Variants in TMEM132B observed in about 807,000 individuals in gnomAD.
TMEM132B encodes transmembrane protein 132B.
Under a neutral mutation model 90.8 loss-of-function variants are expected in TMEM132B, and 18 were observed. The ratio of observed to expected loss-of-function variants is 0.20; its 90% confidence interval spans 0.14 to 0.29. The LOEUF (loss-of-function observed/expected upper bound fraction) is 0.29. TMEM132B is among the 10% of genes least tolerant of loss of function. TMEM132B has a pLI of 1.00. For synonymous variants in TMEM132B, 504 were observed against 523.3 expected, an observed-to-expected ratio of 0.96 and a Z score of 0.50; for missense variants, 1,096 against 1,326.8, an observed-to-expected ratio of 0.83 and a Z score of 2.70.
At chr12:125,302,739 C>A (rs916012790) in intron 1 of TMEM132B, among the ~76,000 whole-genome samples, 1 of 152,112 alleles carries the variant, frequency 6.6e-6, no homozygotes, top group African/African-American at 2.4e-5. Flanking sequence ...TTGCATTCAC[C>A]ATGAAATGCA....
At chr12:125,542,887 C>T (rs1171666328) in intron 4 of TMEM132B, among the ~76,000 whole-genome samples, 1 of 152,174 alleles carries the variant, frequency 6.6e-6, no homozygotes, top group East Asian at 1.9e-4. Flanking sequence ...TCTTATTATA[C>T]AGGGTGCTAG....
intron 1 of TMEM132B, among the ~76,000 whole-genome samples, chr12:125,201,350 T>C (rs1288865064): frequency 6.6e-6 from 1 of 152,270 alleles, no homozygotes; most frequent in Non-Finnish European, 1.5e-5. Context: ...GAGCACAGTA[T>C]GAGGGAGAAA....
chr12:125,599,073 A>G (rs1158339450), intron 5 of TMEM132B, among the ~76,000 whole-genome samples: 2 of 152,138 alleles, frequency 1.3e-5, no homozygotes, highest in Non-Finnish European at 2.9e-5. Flanking sequence ...TCCCCACCCA[A>G]ATCTCATCTT....
At chr12:125,454,143 G>A (rs760961771) in intron 3 of TMEM132B, among the ~76,000 whole-genome samples, 3 of 152,092 alleles carry the variant, frequency 2.0e-5, no homozygotes, top group Admixed American at 6.6e-5. Flanking sequence ...TGAATGCCAC[G>A]TTTCTGTTTT....
At chr12:125,351,341 G>A (rs557300340) in intron 2 of TMEM132B, among the ~76,000 whole-genome samples, 2 of 152,308 alleles carry the variant, frequency 1.3e-5, no homozygotes, top group East Asian at 3.9e-4. Context: ...TCATGTTGAA[G>A]CTTGAGTAGT....
At position 125,389,055 on chromosome 12, in the gene TMEM132B, CAA is replaced by C. The variant is rs59279161; in HGVS notation, c.960-26474_960-26473del. Among the ~76,000 whole-genome samples, 51 of 143,688 alleles carry C rather than the reference CAA, an allele frequency of 3.5e-4. 1 individual carries two copies. The highest frequency in any genetic ancestry group is 1.6e-3 in the South Asian group (7 of 4,418). 94.3% of individuals were successfully genotyped at this position (143,688 alleles called of 152,430 possible). ...ACACACACACACACACACACACACA[CAA>C]ACACACAAGATTGATAAATCTAGTT... On this transcript the variant is annotated intron_variant, in intron 2 of 8. Transcript: ENST00000682704.
intron 1 of TMEM132B, among the ~76,000 whole-genome samples, chr12:125,188,657 T>TTTGCCTGCTCC (rs2136045069): frequency 6.6e-6 from 1 of 151,350 alleles, no homozygotes; most frequent in East Asian, 2.0e-4. Context: ...TGGCCGGCTC[T>TTTGCCTGCTCC]TTGCCTGCTC....
intron 2 of TMEM132B, among the ~76,000 whole-genome samples, chr12:125,399,815 G>T (rs1210563671): frequency 6.6e-6 from 1 of 152,192 alleles, no homozygotes; most frequent in African/African-American, 2.4e-5. Flanking sequence ...TATGAAGCTG[G>T]AGTCTGGGAA....
intron 1 of TMEM132B, among the ~76,000 whole-genome samples, chr12:125,233,555 C>T (rs1477864920): frequency 2.0e-5 from 3 of 152,200 alleles, no homozygotes; most frequent in African/African-American, 4.8e-5. Context: ...TCAATGGCCA[C>T]GCTTAGCTGC....
chr12:125,630,289 CTT>C (rs1242807707), intron 5 of TMEM132B, among the ~76,000 whole-genome samples: 3 of 151,952 alleles, frequency 2.0e-5, no homozygotes, highest in Non-Finnish European at 4.4e-5. Flanking sequence ...TATTGGGAGA[CTT>C]TTTGTTATGG....
chr12:125,610,239 C>T (rs1885793905), intron 5 of TMEM132B, among the ~76,000 whole-genome samples: 1 of 151,840 alleles, frequency 6.6e-6, no homozygotes, highest in South Asian at 2.1e-4. Context: ...ATTTTCTTCC[C>T]TAATTTTCTT....
intron 5 of TMEM132B, among the ~76,000 whole-genome samples, chr12:125,591,497 A>G (rs1404491690): frequency 1.3e-5 from 2 of 152,214 alleles, no homozygotes; most frequent in African/African-American, 2.4e-5. Context: ...TTTGGGGGCC[A>G]CAAGATAATC....
intron 1 of TMEM132B, among the ~76,000 whole-genome samples, chr12:125,318,863 A>C (rs1876352301): frequency 6.6e-6 from 1 of 152,228 alleles, no homozygotes; most frequent in South Asian, 2.1e-4. Flanking sequence ...CCTCTTGTAA[A>C]AATATTACAT....
intron 3 of TMEM132B, among the ~76,000 whole-genome samples, chr12:125,446,139 TATAGTTA>T (rs1881001164): frequency 6.6e-6 from 1 of 152,204 alleles, no homozygotes; most frequent in East Asian, 1.9e-4. Flanking sequence ...TCTTCCCCAT[TATAGTTA>T]ATAGTTATTT....
At chr12:125,471,553 C>T (rs10846898) in intron 3 of TMEM132B, among the ~76,000 whole-genome samples, 5,325 of 152,260 alleles carry the variant, frequency 0.035, 164 homozygotes, top group Admixed American at 0.1. Context: ...GACATCCTGT[C>T]CCCAGTGGAC....
chr12:125,517,665 G>T (rs1883202130), intron 3 of TMEM132B, among the ~76,000 whole-genome samples: 1 of 152,142 alleles, frequency 6.6e-6, no homozygotes, highest in African/African-American at 2.4e-5. Flanking sequence ...GATCATCACA[G>T]TATGAATTCA....
Position 125,654,345 on chromosome 12 carries a change from C to G in TMEM132B, c.2887C>G (p.Pro963Ala), listed in dbSNP as rs759113420. The G allele has an allele frequency of 8.1e-6, 13 of 1,612,844 alleles. No individual in the cohort carries two copies. The highest frequency in any genetic ancestry group is 1.1e-5 in the Non-Finnish European group (13 of 1,180,028). ...LGNEVELLEN[P>A]VDITLPSEEC... ...GAATGAAGTGGAACTTTTGGAGAAC[C>G]CTGTTGACATTACACTCCCATCAGA... The change falls in exon 9 of 9, where the codon CCT becomes GCT. Residue 963 changes from proline (P) to alanine (A), a missense_variant. Physicochemically the swap from Pro to Ala is conservative, Grantham distance 27. Coordinates refer to ENST00000682704, the MANE Select transcript of TMEM132B (RefSeq NM_001366854.1). The surrounding 1 kb of genome is among the most constrained non-coding windows in gnomAD (Gnocchi z 5.8).
intron 4 of TMEM132B, among the ~76,000 whole-genome samples, chr12:125,537,291 A>C (rs995518337): frequency 9.2e-5 from 14 of 152,252 alleles, no homozygotes; most frequent in African/African-American, 2.9e-4. Context: ...TTAAGCATTA[A>C]AAACATTTCC....
rs1879541329 is a variant in TMEM132B, at chr12:125,407,677, G to A, written c.960-7854G>A. On this transcript the variant is annotated intron_variant, in intron 2 of 8. Coordinates refer to ENST00000682704, the MANE Select transcript of TMEM132B (RefSeq NM_001366854.1). This position sits in a 1 kb window ranked among gnomAD's most constrained non-coding sequence, Gnocchi z 6.7. ...CATCCAGTCCTCCATCACAGACAAG[G>A]CCAAAGCTCAGGTCACTCTTGTCGC... is the stretch of plus-strand genomic sequence containing the variant. Among the ~76,000 whole-genome samples the A allele has an allele frequency of 6.6e-6, 1 of 152,148 alleles. No individual in the cohort carries two copies. Among genetic ancestry groups the A allele is most frequent in the Non-Finnish European group, 1.5e-5 (1 of 68,028 alleles).
Sources: allele counts gnomAD v4.1 joint callset (sites outside exome capture counted in the v4.1 genomes callset), GRCh38; gene constraint gnomAD v4.1.1; non-coding constraint Gnocchi (gnomAD v3.1); transcripts MANE v1.5; gene names NCBI Gene and HGNC (gene_info 2026-07-23, HGNC 2026-07-21).